The following KIR3DL1 variants were observed in gnomAD, a reference collection of about 807,000 sequenced individuals.
KIR3DL1 encodes the protein killer cell immunoglobulin like receptor, three Ig domains and long cytoplasmic tail 1.
KIR3DL1 carries 50 observed loss-of-function variants against 40.3 expected under a neutral mutation model. That is an observed-to-expected ratio of 1.24 (90% confidence interval 0.99 to 1.57). The LOEUF (loss-of-function observed/expected upper bound fraction) is 1.57. KIR3DL1 is among the 40% of genes most tolerant of loss of function. The probability of loss-of-function intolerance (pLI) is 0.00; values close to 1 mark genes in which losing one functional copy is unlikely to be tolerated. For synonymous variants in KIR3DL1, 257 were observed against 207.2 expected (o/e 1.24, Z -2.07); for missense variants, 661 against 559.9 (o/e 1.18, Z -1.82).
chr19:54,817,749 C>G (rs112068823), intron 2 of KIR3DL1, among the ~76,000 whole-genome samples, 180 bp downstream of exon 2: 1,972 of 146,986 alleles, frequency 0.013, 110 homozygotes, highest in African/African-American at 0.048. Context: ...GAGTCAAGCT[C>G]TGTGAAGACT....
intron 7 of KIR3DL1, among the ~76,000 whole-genome samples, 157 bp from the exon 8 acceptor site, chr19:54,829,771 G>C (rs1426407169): frequency 1.4e-5 from 2 of 141,400 alleles, no homozygotes; most frequent in Non-Finnish European, 3.1e-5. Flanking sequence ...TCATGGGATG[G>C]GTCCTTGAGC....
rs370642767 is a variant in KIR3DL1, at chr19:54,821,864, A to G, written c.949+6A>G. The G allele has an allele frequency of 4.4e-4, 710 of 1,598,054 alleles. 23 individuals carry two copies. In the African/African-American group the frequency reaches 8.7e-3, roughly 20 times the overall value. The stretch of plus-strand genomic sequence containing the variant: ...ACTGCTTGTTTCTGTCACAGGTGAG[A>G]AAAGCCCATATCTCTCTCATGTCCT... On this transcript the variant is annotated splice_donor_region_variant and intron_variant, in intron 5 of 8. Transcript: ENST00000391728.
intron 5 of KIR3DL1, among the ~76,000 whole-genome samples, chr19:54,824,697 T>C (rs1310574227): frequency 3.3e-5 from 5 of 150,886 alleles, no homozygotes; most frequent in East Asian, 3.9e-4. Flanking sequence ...AAAAAAGCCA[T>C]TGGATGTAAA....
chr19:54,829,851 G>A (rs1338263284), intron 7 of KIR3DL1, 77 bp from the exon 8 acceptor site: 2 of 1,365,078 alleles, frequency 1.5e-6, no homozygotes, highest in African/African-American at 2.9e-5. Context: ...GCCTCCCCCT[G>A]TTTGTTGGTA....
exon 6 of KIR3DL1, chr19:54,825,050 T>A: frequency 6.6e-7 from 1 of 1,524,366 alleles, no homozygotes; most frequent in South Asian, 1.1e-5. Flanking sequence ...GTAGTTGGCC[T>A]TCACCCACAG....
intron 3 of KIR3DL1, 61 bp downstream of exon 3, chr19:54,818,660 T>G (rs1175076391): frequency 6.4e-7 from 1 of 1,565,324 alleles, no homozygotes; most frequent in Non-Finnish European, 8.6e-7. Context: ...GAGCTTCTGG[T>G]GGGGGTGTCC....
chr19:54,829,114 G>A (rs113997803), intron 6 of KIR3DL1, among the ~76,000 whole-genome samples: 1,483 of 144,808 alleles, frequency 0.01, 116 homozygotes, highest in African/African-American at 0.035. Context: ...CACACTGGGG[G>A]TTAAATTTCA....
In KIR3DL1 at chr19:54,818,377, G is replaced by C; in HGVS notation, c.133G>C (p.Val45Leu). The change falls in exon 3 of 9, where the codon GTG becomes CTG. Residue 45 changes from valine (V) to leucine (L), a missense_variant. Transcript: ENST00000391728. ...CGCTGTGGTGCCTCGAGGAGGACACGTGACTCTTCGGTGTCACTATCGTCA... is the reference window on the plus strand; with the variant it reads ...CGCTGTGGTGCCTCGAGGAGGACACCTGACTCTTCGGTGTCACTATCGTCA... 2.5e-6 allele frequency: 4 copies of C among 1,606,758 alleles called. 1 individual carries two copies. Among genetic ancestry groups the C allele is most frequent in the Middle Eastern group, 1.7e-4 (1 of 6,046 alleles).
At chr19:54,827,135 G>T (rs769261108) in intron 6 of KIR3DL1, among the ~76,000 whole-genome samples, 3 of 151,552 alleles carry the variant, frequency 2.0e-5, no homozygotes, top group Non-Finnish European at 2.9e-5. Context: ...TTGGGAGGTA[G>T]AATCATTTGC....
chr19:54,817,824 G>A (rs2061426385), intron 2 of KIR3DL1, among the ~76,000 whole-genome samples: 1 of 148,828 alleles, frequency 6.7e-6, no homozygotes, highest in Non-Finnish European at 1.5e-5. Flanking sequence ...AGCAGAGAAA[G>A]AGAGGGAAGC....
In KIR3DL1 at chr19:54,830,136, C is replaced by T. The variant is rs200600822; in HGVS notation, c.1196C>T (p.Ala399Val). The T allele has an allele frequency of 3.2e-5, 49 of 1,524,316 alleles. 5 individuals are homozygous for T. The African/African-American group carries it at 5.4e-4, about 17-fold the overall frequency. 94.4% of individuals were successfully genotyped at this position (1,524,316 alleles called of 1,614,324 possible). ...CAAGACCCTGAGGAGGTGACATACGCACAGTTGGATCACTGCGTTTTCACA... is the reference window on the plus strand; with the variant it reads ...CAAGACCCTGAGGAGGTGACATACGTACAGTTGGATCACTGCGTTTTCACA... The change falls in exon 9 of 9, where the codon GCA becomes GTA. Residue 399 changes from alanine (A) to valine (V), a missense_variant. Ala to Val is a moderately conservative substitution (Grantham distance 64, BLOSUM62 0). Transcript: ENST00000391728.
chr19:54,818,600 G>C lies in KIR3DL1; in HGVS notation c.355+1G>C. Reference sequence around the variant, plus strand: ...AACCCCGTGGTGATCATGGTCACAGGTCAGAGGCTTTCCGTCTGGGCTTCT... The same window carrying C: ...AACCCCGTGGTGATCATGGTCACAGCTCAGAGGCTTTCCGTCTGGGCTTCT... On this transcript the variant is annotated splice_donor_variant, in intron 3 of 8. Transcript: ENST00000391728. LOFTEE classifies it high-confidence loss of function. The C allele has an allele frequency of 6.2e-7, 1 of 1,607,852 alleles. No individual in the cohort carries two copies. Among genetic ancestry groups the C allele is most frequent in the Non-Finnish European group, 8.5e-7 (1 of 1,179,104 alleles).
chr19:54,823,536 C>T (rs1448328460), intron 5 of KIR3DL1, among the ~76,000 whole-genome samples: 1 of 151,206 alleles, frequency 6.6e-6, no homozygotes, highest in Non-Finnish European at 1.5e-5. Context: ...CACTCATAGT[C>T]TCCCAGGCTG....
rs538532262 is a variant in KIR3DL1 at position 54,827,570 on chromosome 19, G to A, written c.1001-1791G>A. On this transcript the variant is annotated intron_variant, in intron 6 of 8. Transcript: ENST00000391728. ...GTGGAGGTTGCAGTGAGTGGAGATC[G>A]CATCACTGCACTCCAGCCTGGGTGA... 2.7e-3 allele frequency among the ~76,000 whole-genome samples: 410 copies of A among 150,304 alleles called. 16 individuals are homozygous for A. Among genetic ancestry groups the A allele is most frequent in the Non-Finnish European group, 4.4e-3 (298 of 67,846 alleles).
intron 3 of KIR3DL1, among the ~76,000 whole-genome samples, chr19:54,818,825 G>C (rs2061489852): frequency 6.6e-6 from 1 of 151,046 alleles, no homozygotes; most frequent in Non-Finnish European, 1.5e-5. Context: ...CAGGGCAGGG[G>C]ACTGAAGGGG....
chr19:54,829,286 A>C (rs1194114937), intron 6 of KIR3DL1, 75 bp from the exon 7 acceptor site: 1 of 1,235,832 alleles, frequency 8.1e-7, no homozygotes, highest in Admixed American at 1.9e-5. Flanking sequence ...TTACCTGTCA[A>C]TCAAGAAATG....
intron 4 of KIR3DL1, among the ~76,000 whole-genome samples, chr19:54,820,565 T>C (rs1422462464): frequency 1.3e-5 from 2 of 151,496 alleles, no homozygotes; most frequent in African/African-American, 4.9e-5. Context: ...GTCCCCAGAC[T>C]GGATTCTGAG....
exon 5 of KIR3DL1, chr19:54,821,695 T>A: frequency 6.2e-7 from 1 of 1,609,528 alleles, no homozygotes; most frequent in Admixed American, 1.7e-5. Context: ...GGGGAGCCCA[T>A]GAACGTAGGC....
chr19:54,828,790 G>C (rs2062043917), intron 6 of KIR3DL1, among the ~76,000 whole-genome samples: 1 of 119,116 alleles, frequency 8.4e-6, no homozygotes, highest in East Asian at 2.5e-4. Flanking sequence ...AGAAGAGATT[G>C]GTTTGCCTCA....
Sources: gnomAD v4.1 joint callset for allele counts (sites outside exome capture counted in the v4.1 genomes callset) on GRCh38, gnomAD v4.1.1 for gene constraint, MANE v1.5 for transcripts, NCBI Gene and HGNC (gene_info 2026-07-23, HGNC 2026-07-21) for gene names.